Variants in HTT observed in about 807,000 individuals in gnomAD.
HTT encodes the protein huntington disease protein.
HTT carries 104 observed loss-of-function variants against 362.3 expected under a neutral mutation model. The observed-to-expected ratio is 0.29, with a 90% CI of 0.24 to 0.34. The LOEUF is 0.34. HTT is among the 10% of genes least tolerant of loss of function. The pLI, the probability that HTT is intolerant of heterozygous loss-of-function variation, is 1.00. For synonymous variants in HTT, 1,577 were observed against 1,548.7 expected (o/e 1.02, Z -0.43); for missense variants, 3,301 against 3,928.6 (o/e 0.84, Z 4.27).
At chr4:3,130,589 C>T (rs1489930192) in intron 14 of HTT, among the ~76,000 whole-genome samples, 166 bp downstream of exon 14, 1 of 152,196 alleles carries the variant, frequency 6.6e-6, no homozygotes, top group Admixed American at 6.5e-5. Context: ...TTTCCAGGTA[C>T]TACCCACAGC....
Position 3,239,854 on chromosome 4 carries a change from A to T in HTT, c.9224A>T (p.His3075Leu). ...TSPWVAAILP[H>L]VISRMGKLEQ... ...CTTAACTCCTGCACCAGCCTCCCAC[A>T]TGTCATCAGCAGGATGGGCAAGCTG... Residue 3075 changes from histidine to leucine, a missense_variant, in exon 67 of 67, where the codon CAT becomes CTT. Physicochemically the swap from His to Leu is moderately conservative, Grantham distance 99. Transcript: ENST00000355072. The T allele has an allele frequency of 6.4e-7, 1 of 1,556,938 alleles. No individual in the cohort carries two copies. The highest frequency in any genetic ancestry group is 8.7e-7 in the Non-Finnish European group (1 of 1,149,548).
chr4:3,135,279 T>C (rs538770029), intron 19 of HTT, among the ~76,000 whole-genome samples: 21 of 151,618 alleles, frequency 1.4e-4, no homozygotes, highest in African/African-American at 4.6e-4. Flanking sequence ...GCCAAGATTG[T>C]GGCCATTGCA....
intron 60 of HTT, among the ~76,000 whole-genome samples, chr4:3,231,991 G>A (rs1008646646): frequency 3.9e-5 from 6 of 152,178 alleles, no homozygotes; most frequent in South Asian, 2.1e-4. Flanking sequence ...GGTTTTCAGC[G>A]CGTCATGCTT....
At chr4:3,185,158 G>A (rs1422285722) in intron 37 of HTT, among the ~76,000 whole-genome samples, 1 of 152,188 alleles carries the variant, frequency 6.6e-6, no homozygotes, top group Non-Finnish European at 1.5e-5. Context: ...GCCAGAGGAG[G>A]AGAGGAGTCG....
intron 40 of HTT, among the ~76,000 whole-genome samples, chr4:3,189,943 G>A (rs998928783): frequency 6.6e-6 from 1 of 152,144 alleles, no homozygotes; most frequent in Non-Finnish European, 1.5e-5. Flanking sequence ...TTGAGCCCAG[G>A]AGGTTAAGTC....
intron 14 of HTT, 22 bp downstream of exon 14, chr4:3,130,445 C>A: frequency 1.5e-6 from 2 of 1,313,136 alleles, no homozygotes; most frequent in Non-Finnish European, 2.2e-6. Context: ...AGGCTTGAGA[C>A]GACTTGGTGT....
rs1712415661 is a variant in HTT at position 3,074,938 on chromosome 4, A to AGCAGCAGCAGCAGCCGCCGCCGCC, written c.115_116insAGCAGCAGCAGCCGCCGCCGCCGC (p.Gln38_Pro39insGlnGlnGlnGlnProProProPro). The AGCAGCAGCAGCAGCCGCCGCCGCC allele has an allele frequency of 1.6e-6, 2 of 1,245,302 alleles. No homozygotes were observed. The highest frequency in any genetic ancestry group is 2.1e-6 in the Non-Finnish European group (2 of 941,808). The allele number at this position is 1,245,302 out of a possible 1,614,324, so 77.1% of individuals were successfully genotyped here. On this transcript the variant is annotated inframe_insertion, in exon 1 of 67. Transcript: ENST00000355072. ...CAGCAGCAGCAGCAGCAGCAGCAAC[A>AGCAGCAGCAGCAGCCGCCGCCGCC]GCCGCCACCGCCGCCGCCGCCGCCG... is the stretch of plus-strand genomic sequence containing the variant.
In HTT at chr4:3,136,305, T is replaced by G. The variant is rs750142357; in HGVS notation, c.2777T>G (p.Val926Gly). 6.3e-7 allele frequency: 1 copy of G among 1,598,326 alleles called. No individual in the cohort carries two copies. The highest frequency in any genetic ancestry group is 8.6e-7 in the Non-Finnish European group (1 of 1,165,986). Residue 926 changes from valine (V) to glycine (G), a missense_variant, in exon 21 of 67, where the codon GTT becomes GGT. Val to Gly is a moderately radical substitution (Grantham distance 109, BLOSUM62 -3). Around this residue, in one of 4 missense-constraint regions of HTT, gnomAD observed 2,316 missense variants for 2,658.5 expected, o/e 0.87. Transcript: ENST00000355072. ...LGDEDPRVRH[V>G]AAASLIRLVP... ...GATGAAGACCCCAGGGTGCGACATG[T>G]TGCCGCAGCATCACTAATTAGGTAT...
chr4:3,146,744 G>GCT, intron 24 of HTT, 53 bp from the exon 25 acceptor site: 1 of 1,543,906 alleles, frequency 6.5e-7, no homozygotes. Flanking sequence ...AAGGAAGACT[G>GCT]TTGTTTGCTT....
In HTT at chr4:3,178,368, A is replaced by G. The variant is rs768923708; in HGVS notation, c.4534A>G (p.Lys1512Glu). The change falls in exon 35 of 67, where the codon AAA becomes GAA. Residue 1512 changes from lysine to glutamate, a missense_variant. Around this residue, in one of 4 missense-constraint regions of HTT, gnomAD observed 2,316 missense variants for 2,658.5 expected, o/e 0.87. Transcript: ENST00000355072. The stretch of plus-strand genomic sequence containing the variant: ...ACTATCTTATGAACGCTATCATTCA[A>G]AACAGATCATTGGAATTCCTAAAAT... ...VLLSYERYHS[K>E]QIIGIPKIIQ... 1.9e-6 allele frequency: 3 copies of G among 1,612,754 alleles called. No homozygotes were observed. The highest frequency in any genetic ancestry group is 2.5e-6 in the Non-Finnish European group (3 of 1,178,706).
Position 3,188,979 on chromosome 4 carries a change from T to C in HTT, c.5254T>C (p.Leu1752=). Reference sequence around the variant, plus strand: ...TCTATTACAACTGGTTGGTATTCTTTTAGAAGACATTGTTACAAAACAGCT... The same window carrying C: ...TCTATTACAACTGGTTGGTATTCTTCTAGAAGACATTGTTACAAAACAGCT... ...RFLLQLVGIL[L]EDIVTKQLKV... The change falls in exon 40 of 67, where the codon TTA becomes CTA. Residue 1752 remains leucine (L), a synonymous_variant. Transcript: ENST00000355072. The C allele has an allele frequency of 6.2e-7, 1 of 1,614,158 alleles. No individual in the cohort carries two copies. The highest frequency in any genetic ancestry group is 8.5e-7 in the Non-Finnish European group (1 of 1,179,978).
At chr4:3,131,434 T>C in intron 15 of HTT, 37 bp downstream of exon 15, 1 of 1,547,864 alleles carries the variant, frequency 6.5e-7, no homozygotes, top group Non-Finnish European at 8.9e-7. Context: ...TTGAAGGAAA[T>C]AACTAGGTTT....
chr4:3,197,596 T>G (rs1042921769), intron 40 of HTT, among the ~76,000 whole-genome samples: 2 of 152,118 alleles, frequency 1.3e-5, no homozygotes, highest in Non-Finnish European at 2.9e-5. Context: ...CCTTGTGCAG[T>G]GCTGAGCCCT....
chr4:3,222,078 GC>G (rs1560600539), intron 53 of HTT, among the ~76,000 whole-genome samples: 1 of 152,216 alleles, frequency 6.6e-6, no homozygotes, highest in Non-Finnish European at 1.5e-5. Flanking sequence ...GCCTGCATGG[GC>G]GTCCCTGCCC....
intron 40 of HTT, among the ~76,000 whole-genome samples, chr4:3,190,331 C>A (rs569696865): frequency 6.8e-6 from 1 of 146,060 alleles, no homozygotes; most frequent in South Asian, 2.2e-4. Flanking sequence ...AGAATGATAC[C>A]CTGCCTCTTA....
At chr4:3,194,725 C>T (rs1719167950) in intron 40 of HTT, among the ~76,000 whole-genome samples, 1 of 152,214 alleles carries the variant, frequency 6.6e-6, no homozygotes, top group Non-Finnish European at 1.5e-5. Flanking sequence ...GAGGGGATGG[C>T]TGCACGACAG....
chr4:3,179,638 CTG>C (rs1578564902), intron 35 of HTT, among the ~76,000 whole-genome samples: 2 of 147,606 alleles, frequency 1.4e-5, no homozygotes, highest in Admixed American at 6.8e-5. Flanking sequence ...CAGAGTGTGC[CTG>C]TGTGTGTGCT....
chr4:3,216,515 C>T (rs1720406884), intron 51 of HTT, among the ~76,000 whole-genome samples: 1 of 152,212 alleles, frequency 6.6e-6, no homozygotes. Context: ...TATGAATACT[C>T]AACAAATGCT....
chr4:3,222,285 G>A (rs574663841), intron 53 of HTT, 102 bp from the exon 54 acceptor site: 10 of 871,790 alleles, frequency 1.1e-5, no homozygotes, highest in Non-Finnish European at 1.9e-5. Context: ...CCCTTGGCGT[G>A]GAGCCTTCTC....
Sources: gnomAD v4.1 joint callset for allele counts (sites outside exome capture counted in the v4.1 genomes callset) on GRCh38, gnomAD v4.1.1 for gene constraint, gnomAD v4.1.1 regional missense constraint, MANE v1.5 for transcripts, NCBI Gene and HGNC (gene_info 2026-07-23, HGNC 2026-07-21) for gene names.